UBXN8: variants seen among roughly 807,000 people sequenced by gnomAD.
UBXN8 encodes the protein UBX domain protein 8, also known as UBX domain-containing protein 8.
UBXN8 carries 27 observed loss-of-function variants against 32.1 expected under a neutral mutation model. The observed-to-expected ratio is 0.84, with a 90% CI of 0.62 to 1.16. The LOEUF is 1.16. UBXN8 is among the 50% of genes most tolerant of loss of function. The probability of loss-of-function intolerance (pLI) is 0.00; values close to 1 mark genes in which losing one functional copy is unlikely to be tolerated. For missense variants in UBXN8, 306 were observed against 311.4 expected (o/e 0.98, Z 0.13); for synonymous variants, 109 against 111.8 (o/e 0.98, Z 0.16).
intron 1 of UBXN8, among the ~76,000 whole-genome samples, chr8:30,746,587 G>C (rs1324473892): frequency 7.5e-6 from 1 of 133,926 alleles, no homozygotes; most frequent in African/African-American, 3.0e-5. Context: ...CAGTGGTGCA[G>C]TCTCAGCTCA....
chr8:30,766,236 G>T lies in UBXN8; in HGVS notation c.655G>T (p.Asp219Tyr). Residue 219 changes from aspartate (D) to tyrosine (Y), a missense_variant, in exon 8 of 8, where the codon GAC becomes TAC. Transcript: ENST00000265616. ...LKSYSSQVLF[D>Y]WMTRIGYHIS... ...GCTTTTCATCTTCTAGGTCTTATTTGACTGGATGACGAGAATTGGGTACCA... is the reference window on the plus strand; with the variant it reads ...GCTTTTCATCTTCTAGGTCTTATTTTACTGGATGACGAGAATTGGGTACCA... The T allele has an allele frequency of 3.1e-6, 5 of 1,611,356 alleles. No homozygotes were observed. The South Asian group carries it at 5.5e-5, about 18-fold the overall frequency.
intron 1 of UBXN8, among the ~76,000 whole-genome samples, chr8:30,747,894 C>CTTTTTTTTTTTTTTTTTTTTTTTTTT (rs67334347): frequency 2.5e-4 from 9 of 35,636 alleles, no homozygotes; most frequent in Non-Finnish European, 4.4e-4. Context: ...TATATTTTTT[C>CTTTTTTTTTTTTTTTTTTTTTTTTTT]TTTTTTTTTT....
intron 1 of UBXN8, among the ~76,000 whole-genome samples, chr8:30,738,376 A>G (rs1236711280): frequency 2.6e-5 from 4 of 151,900 alleles, no homozygotes; most frequent in Non-Finnish European, 4.4e-5. Flanking sequence ...TAATAATAAT[A>G]AAGGCCGTGT....
At chr8:30,750,154 C>T (rs12156104) in intron 1 of UBXN8, among the ~76,000 whole-genome samples, 94,739 of 151,826 alleles carry the variant, frequency 0.62, 35,071 homozygotes, top group Non-Finnish European at 0.81. Context: ...CCACATTGAG[C>T]ATTTAAGCAC....
chr8:30,744,455 C>T, intron 1 of UBXN8, 178 bp downstream of exon 1: 1 of 644,986 alleles, frequency 1.6e-6, no homozygotes, highest in Non-Finnish European at 2.7e-6. Context: ...AACCTTTTCC[C>T]TCCAGGTGTG....
chr8:30,756,708 A>C (rs1805670854), intron 4 of UBXN8, 57 bp from the exon 5 acceptor site: 1 of 1,599,726 alleles, frequency 6.3e-7, no homozygotes, highest in African/African-American at 1.3e-5. Context: ...ACAATTGTGA[A>C]TAGAATAAAG....
chr8:30,747,351 C>T, intron 1 of UBXN8, among the ~76,000 whole-genome samples: 1 of 98,400 alleles, frequency 1.0e-5, no homozygotes, highest in African/African-American at 4.1e-5. Flanking sequence ...TACTCTGTTG[C>T]CCACGCAGGA....
At chr8:30,751,554 T>C (rs1470823534) in intron 2 of UBXN8, 36 bp downstream of exon 2, 2 of 1,513,030 alleles carry the variant, frequency 1.3e-6, no homozygotes, top group South Asian at 2.5e-5. Context: ...TTTATACCAT[T>C]CTACTCAAAT....
At chr8:30,760,433 A>T (rs1175432044) in intron 5 of UBXN8, among the ~76,000 whole-genome samples, 2 of 39,600 alleles carry the variant, frequency 5.1e-5, no homozygotes, top group Admixed American at 2.1e-4. Context: ...ATATATATAT[A>T]TATATATATA....
At chr8:30,755,434 T>C (rs890396565) in intron 4 of UBXN8, among the ~76,000 whole-genome samples, 2 of 152,028 alleles carry the variant, frequency 1.3e-5, no homozygotes, top group African/African-American at 4.8e-5. Context: ...TTAAGTGGTT[T>C]TTGGTGCCTA....
upstream of UBXN8, among the ~76,000 whole-genome samples, chr8:30,731,365 C>T (rs769235260): frequency 1.3e-5 from 2 of 152,152 alleles, no homozygotes; most frequent in Admixed American, 6.5e-5. Context: ...TTGACATCAT[C>T]GGAGCCATGG....
chr8:30,746,211 A>T (rs532011238), intron 1 of UBXN8, among the ~76,000 whole-genome samples: 17 of 152,232 alleles, frequency 1.1e-4, no homozygotes, highest in African/African-American at 3.9e-4. Context: ...TCATGGGATT[A>T]GCTTCTTTCT....
chr8:30,745,209 A>G (rs1349660142), intron 1 of UBXN8, among the ~76,000 whole-genome samples: 1 of 152,212 alleles, frequency 6.6e-6, no homozygotes, highest in African/African-American at 2.4e-5. Flanking sequence ...GATGAAATGT[A>G]GACAGAATTG....
At chr8:30,741,454 C>CTT (rs565066061), upstream of UBXN8, among the ~76,000 whole-genome samples, 5,372 of 116,690 alleles carry the variant, frequency 0.046, 604 homozygotes, top group African/African-American at 0.17. Flanking sequence ...AAGCAATGTT[C>CTT]TTTTTTTTTT....
intron 4 of UBXN8, among the ~76,000 whole-genome samples, chr8:30,755,147 G>A (rs1010607217): frequency 3.3e-5 from 5 of 151,828 alleles, no homozygotes; most frequent in African/African-American, 1.2e-4. Context: ...AGTAGAGATG[G>A]GGTCTCACCG....
chr8:30,754,795 A>G lies in UBXN8; in HGVS notation c.405+8A>G. ...AGTGGTCACAAACTTGGGGTTGGAA[A>G]ATATTCTCATTTTATATTTTGAATC... On this transcript the variant is annotated splice_region_variant and intron_variant, in intron 4 of 7. Coordinates refer to ENST00000265616, the MANE Select transcript of UBXN8 (RefSeq NM_005671.4). 1.9e-6 allele frequency: 3 copies of G among 1,552,374 alleles called. No individual in the cohort carries two copies. The highest frequency in any genetic ancestry group is 2.6e-6 in the Non-Finnish European group (3 of 1,161,014).
chr8:30,744,318 A>G (rs771116994), intron 1 of UBXN8, 41 bp downstream of exon 1: 3 of 1,584,060 alleles, frequency 1.9e-6, no homozygotes, highest in Non-Finnish European at 2.6e-6. Context: ...CAGCTGGGTA[A>G]TTTTCACAGG....
intron 7 of UBXN8, among the ~76,000 whole-genome samples, chr8:30,765,471 G>A (rs974229335): frequency 2.7e-5 from 4 of 150,694 alleles, no homozygotes; most frequent in Non-Finnish European, 5.9e-5. Flanking sequence ...ACTGGGTTTC[G>A]CCATCTTACC....
In UBXN8 at chr8:30,766,367, C is replaced by A. The variant is rs1240680415; in HGVS notation, c.786C>A (p.Ile262=). The A allele has an allele frequency of 6.2e-7, 1 of 1,610,336 alleles. No individual in the cohort carries two copies. The highest frequency in any genetic ancestry group is 8.5e-7 in the Non-Finnish European group (1 of 1,177,952). The change falls in exon 8 of 8, where the codon ATC becomes ATA. Residue 262 remains isoleucine, a synonymous_variant. Transcript: ENST00000265616. ...DIGITVDTVL[I]LEEKEQTN is the part of the protein sequence containing the mutation. ...GAATAACTGTGGACACTGTACTCAT[C>A]CTGGAGGAGAAGGAGCAGACCAACT...
Sources: gnomAD v4.1 joint callset for allele counts (sites outside exome capture counted in the v4.1 genomes callset) on GRCh38, gnomAD v4.1.1 for gene constraint, MANE v1.5 for transcripts, NCBI Gene and HGNC (gene_info 2026-07-23, HGNC 2026-07-21) for gene names.